SAMMSON: variants seen among roughly 807,000 people sequenced by gnomAD.
SAMMSON encodes the protein survival associated mitochondrial melanoma specific oncogenic non-coding RNA.
intron 9 of SAMMSON, among the ~76,000 whole-genome samples, chr3:70,361,044 G>A (rs1702867131): frequency 6.6e-6 from 1 of 152,074 alleles, no homozygotes; most frequent in Admixed American, 6.6e-5. Flanking sequence ...CTGTATTACA[G>A]ATAAGAAAAC....
chr3:70,231,980 G>T (rs917749923), intron 4 of SAMMSON, among the ~76,000 whole-genome samples: 2 of 152,134 alleles, frequency 1.3e-5, no homozygotes, highest in African/African-American at 4.8e-5. Context: ...AGCCCCCAAA[G>T]CGTTATTGTC....
intron 3 of SAMMSON, among the ~76,000 whole-genome samples, chr3:70,063,941 A>G (rs1340475390): frequency 2.8e-4 from 43 of 152,180 alleles, no homozygotes; most frequent in African/African-American, 9.6e-4. Context: ...TCTACAGTAA[A>G]TCTTTTCCTA....
At chr3:70,168,853 G>A (rs1289124146) in intron 4 of SAMMSON, among the ~76,000 whole-genome samples, 8 of 151,952 alleles carry the variant, frequency 5.3e-5, no homozygotes, top group Admixed American at 5.3e-4. Flanking sequence ...AAGAAACAAT[G>A]TGTTACATTT....
At chr3:70,392,620 A>G (rs577182231), downstream of SAMMSON, among the ~76,000 whole-genome samples, 1 of 152,270 alleles carries the variant, frequency 6.6e-6, no homozygotes, top group South Asian at 2.1e-4. Flanking sequence ...AAGAGTTAAA[A>G]TGGGGGCTCT....
At chr3:70,431,817 C>T (rs1015743615) in intron 2 of SAMMSON, among the ~76,000 whole-genome samples, 4 of 151,946 alleles carry the variant, frequency 2.6e-5, no homozygotes, top group Admixed American at 1.3e-4. Flanking sequence ...ATTTGGATTT[C>T]ATATAAATGG....
chr3:70,086,596 C>T (rs1203484712), intron 4 of SAMMSON, among the ~76,000 whole-genome samples: 2 of 152,150 alleles, frequency 1.3e-5, no homozygotes, highest in Non-Finnish European at 2.9e-5. Flanking sequence ...CAACTTGAAG[C>T]AGATTTTGGT....
intron 7 of SAMMSON, among the ~76,000 whole-genome samples, chr3:70,305,533 T>G (rs545427666): frequency 1.3e-5 from 2 of 152,216 alleles, no homozygotes; most frequent in Admixed American, 6.5e-5. Context: ...TTAGTTATTA[T>G]AATAAAGCAC....
intron 4 of SAMMSON, among the ~76,000 whole-genome samples, chr3:70,248,854 A>G (rs1480674986): frequency 1.3e-5 from 2 of 152,132 alleles, no homozygotes; most frequent in South Asian, 2.1e-4. Context: ...ACATGACTCA[A>G]TTGAAAGGAA....
chr3:70,141,789 C>T (rs1444753178), intron 4 of SAMMSON, among the ~76,000 whole-genome samples: 1 of 152,080 alleles, frequency 6.6e-6, no homozygotes, highest in Non-Finnish European at 1.5e-5. Flanking sequence ...TGTTAAGTGA[C>T]CTCCCTGAAG....
At position 70,419,014 on chromosome 3, in the gene SAMMSON, T is replaced by C. The variant is rs9813619; in HGVS notation, n.234-43546T>C. Among the ~76,000 whole-genome samples the C allele has an allele frequency of 3.0e-3, 406 of 137,556 alleles. 23 individuals are homozygous for C. Among genetic ancestry groups the C allele is most frequent in the African/African-American group, 0.012 (385 of 33,418 alleles). 90.2% of individuals were successfully genotyped at this position (137,556 alleles called of 152,430 possible). A position where few individuals can be genotyped will look rare whatever the true frequency, so the allele number is the denominator to read the frequency against. On this transcript the variant is annotated intron_variant and non_coding_transcript_variant, in intron 2 of 3. Coordinates refer to the SAMMSON transcript ENST00000641053. ...CTCTCTCTCTCTCTTTCTTTCTTTC[T>C]TTCCTTCTTTCTTTCTTTCTTCTTT...
chr3:70,080,803 T>C (rs1042526871), intron 4 of SAMMSON, among the ~76,000 whole-genome samples: 1 of 152,060 alleles, frequency 6.6e-6, no homozygotes, highest in Non-Finnish European at 1.5e-5. Flanking sequence ...AAAATCAATA[T>C]AACGATATTG....
chr3:70,082,502 G>A (rs915366629), intron 4 of SAMMSON, among the ~76,000 whole-genome samples: 1 of 152,088 alleles, frequency 6.6e-6, no homozygotes, highest in Admixed American at 6.5e-5. Flanking sequence ...AATTATTGCC[G>A]GTAAATTCTC....
chr3:70,216,916 C>G (rs1339908953), intron 4 of SAMMSON, among the ~76,000 whole-genome samples: 1 of 152,110 alleles, frequency 6.6e-6, no homozygotes, highest in Non-Finnish European at 1.5e-5. Context: ...CACAGGGACC[C>G]CTTCCCCTCA....
chr3:70,142,705 T>C (rs140242006), intron 4 of SAMMSON, among the ~76,000 whole-genome samples: 10 of 152,080 alleles, frequency 6.6e-5, no homozygotes, highest in Admixed American at 2.0e-4. Context: ...TGACAAAAAA[T>C]AAAAAATAAA....
At chr3:70,281,092 C>G (rs138177075) in intron 6 of SAMMSON, among the ~76,000 whole-genome samples, 13 of 152,270 alleles carry the variant, frequency 8.5e-5, no homozygotes, top group African/African-American at 3.1e-4. Context: ...GCCTTTTCTC[C>G]TGTTAATCAG....
chr3:70,274,643 G>C (rs1702004576), intron 6 of SAMMSON, among the ~76,000 whole-genome samples: 1 of 152,046 alleles, frequency 6.6e-6, no homozygotes, highest in Non-Finnish European at 1.5e-5. Flanking sequence ...TGGAGCGGTG[G>C]GGAGGGAGAG....
intron 4 of SAMMSON, among the ~76,000 whole-genome samples, chr3:70,236,182 A>G (rs1277472956): frequency 6.6e-6 from 1 of 152,174 alleles, no homozygotes; most frequent in Non-Finnish European, 1.5e-5. Context: ...ATGACTGCTA[A>G]ATCCAAACTA....
At chr3:70,089,982 G>T (rs2067299557) in intron 4 of SAMMSON, among the ~76,000 whole-genome samples, 1 of 151,988 alleles carries the variant, frequency 6.6e-6, no homozygotes, top group African/African-American at 2.4e-5. Context: ...TTATAGGAAG[G>T]GAGTATCCCA....
chr3:70,433,136 C>T (rs1175234298), intron 2 of SAMMSON, among the ~76,000 whole-genome samples: 2 of 152,058 alleles, frequency 1.3e-5, no homozygotes, highest in African/African-American at 4.8e-5. Flanking sequence ...GTGCACATTT[C>T]TATGTGGATA....
Sources: gnomAD v4.1 joint callset for allele counts (sites outside exome capture counted in the v4.1 genomes callset) on GRCh38, gnomAD v4.1.1 for gene constraint, MANE v1.5 for transcripts, NCBI Gene and HGNC (gene_info 2026-07-23, HGNC 2026-07-21) for gene names.